Variants in SLC7A4 observed in about 807,000 individuals in gnomAD.
The protein encoded by SLC7A4 is solute carrier family 7 member 4, also known as cationic amino acid transporter 4.
A neutral mutation model predicts 37.8 loss-of-function variants in SLC7A4; 30 were observed. The ratio of observed to expected loss-of-function variants is 0.79; its 90% CI spans 0.59 to 1.08. The LOEUF is 1.08. Ranked by LOEUF, SLC7A4 falls within the 50% of genes least tolerant of loss-of-function variation. The pLI is 0.00. For missense variants in SLC7A4, 839 were observed against 843.2 expected (o/e 1.00, Z 0.06); for synonymous variants, 359 against 376.5 (o/e 0.95, Z 0.54).
Position 21,030,193 on chromosome 22 carries a change from G to T in SLC7A4, c.1141C>A (p.Leu381Met). ...GACTCCAGGTCCAGCAGCAGTGCCA[G>T]GAAGGCCGTGAGGAGCCCGAACGCC... ...TLAFGLLTAFLALLLDLESLV... is the reference protein window; with the variant it reads ...TLAFGLLTAFMALLLDLESLV... The change falls in exon 3 of 5, where the codon CTG becomes ATG. Residue 381 changes from leucine (L) to methionine (M), a missense_variant. Coordinates refer to ENST00000382932, the MANE Select transcript of SLC7A4 (RefSeq NM_004173.3). 6.2e-7 allele frequency: 1 copy of T among 1,613,888 alleles called. No individual in the cohort carries two copies. Among genetic ancestry groups the T allele is most frequent in the Non-Finnish European group, 8.5e-7 (1 of 1,180,016 alleles).
chr22:21,028,952 C>T lies in SLC7A4; in HGVS notation c.*103G>A. The T allele has an allele frequency of 7.7e-7, 1 of 1,302,292 alleles. No individual in the cohort carries two copies. The highest frequency in any genetic ancestry group is 1.0e-6 in the Non-Finnish European group (1 of 966,470). 80.7% of individuals were successfully genotyped at this position (1,302,292 alleles called of 1,614,324 possible). Reference sequence around the variant, plus strand: ...TGAGGACTCCCCAGCCTGTGCAGGCCTGCAAACCCAGGCTGCCCACAACAG... The same window carrying T: ...TGAGGACTCCCCAGCCTGTGCAGGCTTGCAAACCCAGGCTGCCCACAACAG... On this transcript the variant is annotated 3_prime_UTR_variant, in exon 5 of 5. Coordinates refer to ENST00000382932, the MANE Select transcript of SLC7A4 (RefSeq NM_004173.3).
chr22:21,030,886 G>C lies in SLC7A4; in HGVS notation c.927C>G (p.Phe309Leu). 6.2e-7 allele frequency: 1 copy of C among 1,612,830 alleles called. No individual in the cohort carries two copies. Among genetic ancestry groups the C allele is most frequent in the Non-Finnish European group, 8.5e-7 (1 of 1,179,344 alleles). The change falls in exon 2 of 5, where the codon TTC (phenylalanine) becomes TTG (leucine). Residue 309 changes from phenylalanine (F) to leucine (L), a missense_variant. Coordinates refer to ENST00000382932, the MANE Select transcript of SLC7A4 (RefSeq NM_004173.3). ...CAGCCCACCTGTAGCCCCGCTGGTAGAAGGCATCTGCAAGCGCTGAGTCGG... is the reference window on the plus strand; with the variant it reads ...CAGCCCACCTGTAGCCCCGCTGGTACAAGGCATCTGCAAGCGCTGAGTCGG... ...LDPDSALADA[F>L]YQRGYRWAGF...
In SLC7A4 at chr22:21,030,949, G is replaced by A. The variant is rs778662818; in HGVS notation, c.864C>T (p.Thr288=). The A allele has an allele frequency of 1.1e-5, 17 of 1,613,884 alleles. No homozygotes were observed. The highest frequency in any genetic ancestry group is 1.4e-5 in the Non-Finnish European group (16 of 1,179,970). ...IAAGAYILVS[T]VLTLMVPWHS... ...GCCAGGGCACCATGAGGGTTAGCACGGTGGAGACAAGGATGTAGGCACCAG... is the reference window on the plus strand; with the variant it reads ...GCCAGGGCACCATGAGGGTTAGCACAGTGGAGACAAGGATGTAGGCACCAG... Residue 288 remains threonine (T), a synonymous_variant, in exon 2 of 5, where the codon ACC becomes ACT. Transcript: ENST00000382932.
chr22:21,030,133 C>T lies in SLC7A4; in HGVS notation c.1201G>A (p.Ala401Thr). ...VQFLSLGTLL[A>T]YTFVATSIIV... ...ATACTGGTGGCCACGAATGTGTAGG[C>T]CAGGAGTGTGCCAAGGGACAGGAAC... The change falls in exon 3 of 5, where the codon GCC (alanine) becomes ACC (threonine). Residue 401 changes from alanine to threonine, a missense_variant. Ala to Thr is a moderately conservative substitution (Grantham distance 58). Transcript: ENST00000382932. 1 of 1,613,782 alleles carries T rather than the reference C, an allele frequency of 6.2e-7. No homozygotes were observed. Among genetic ancestry groups the T allele is most frequent in the Non-Finnish European group, 8.5e-7 (1 of 1,179,904 alleles).
chr22:21,032,092 C>T (rs1384688346), intron 1 of SLC7A4, among the ~76,000 whole-genome samples: 1 of 152,214 alleles, frequency 6.6e-6, no homozygotes, highest in African/African-American at 2.4e-5. Context: ...TGGTGAGGCC[C>T]CACCTGCTCA....
rs1203193046 is a variant in SLC7A4 at position 21,030,000 on chromosome 22, A to T, written c.1334T>A (p.Val445Glu). Reference sequence around the variant, plus strand: ...AGGGACGGAGGCGTGTACAGTGCCCACCAGCTGTAGGTGGTCTGAGAAGGA... The same window carrying T: ...AGGGACGGAGGCGTGTACAGTGCCCTCCAGCTGTAGGTGGTCTGAGAAGGA... ...QSSFSDHLQL[V>E]GTVHASVPEP... Residue 445 changes from valine to glutamate, a missense_variant, in exon 3 of 5, where the codon GTG becomes GAG. By Grantham distance (121) the Val-to-Glu change is moderately radical. Coordinates refer to ENST00000382932, the MANE Select transcript of SLC7A4 (RefSeq NM_004173.3). The T allele has an allele frequency of 6.2e-7, 1 of 1,613,728 alleles. No individual in the cohort carries two copies. The highest frequency in any genetic ancestry group is 1.1e-5 in the South Asian group (1 of 91,046).
At position 21,029,801 on chromosome 22, in the gene SLC7A4, G is replaced by A. The variant is rs759039428; in HGVS notation, c.1533C>T (p.Ile511=). 3 of 1,613,588 alleles carry A rather than the reference G, an allele frequency of 1.9e-6. No individual in the cohort carries two copies. In the East Asian group the frequency reaches 6.7e-5, roughly 36 times the overall value. ...TGACACTGGTGAGCAGGAGCAGCAGGATGTAACCCCAGTGTGGGAGGTGCA... is the reference window on the plus strand; with the variant it reads ...TGACACTGGTGAGCAGGAGCAGCAGAATGTAACCCCAGTGTGGGAGGTGCA... ...STLHLPHWGY[I]LLLLLTSVMF... is the part of the protein sequence containing the mutation. The change falls in exon 3 of 5, where the codon ATC becomes ATT. Residue 511 remains isoleucine, a synonymous_variant. Transcript: ENST00000382932.
In SLC7A4 at chr22:21,029,019, AG is replaced by A. The variant is rs1928777615; in HGVS notation, c.*35del. The A allele has an allele frequency of 3.2e-6, 5 of 1,557,176 alleles. No homozygotes were observed. Among genetic ancestry groups the A allele is most frequent in the Non-Finnish European group, 4.3e-6 (5 of 1,153,528 alleles). On this transcript the variant is annotated 3_prime_UTR_variant, in exon 5 of 5. Coordinates refer to ENST00000382932, the MANE Select transcript of SLC7A4 (RefSeq NM_004173.3). Reference sequence around the variant, plus strand: ...GTCTGGCCTCTCTGGCCTCCCAAGCAGGTGTGGGAGGGCGGGGCAAGTGTGG... The same window carrying A: ...GTCTGGCCTCTCTGGCCTCCCAAGCAGTGTGGGAGGGCGGGGCAAGTGTGG...
In SLC7A4 at chr22:21,031,429, G is replaced by T. The variant is rs369802595; in HGVS notation, c.384C>A (p.Ile128=). The part of the protein sequence containing the change: ...IGWNVLLEYI[I]GGAAVARAWS... ...AGGCACGGGCCACGGCGGCGCCACC[G>T]ATGATGTATTCGAGGAGAACATTCC... The change falls in exon 2 of 5, where the codon ATC becomes ATA. Residue 128 remains isoleucine (I), a synonymous_variant. Transcript: ENST00000382932. 60 of 1,601,300 alleles carry T rather than the reference G, an allele frequency of 3.7e-5. No homozygotes were observed. The Admixed American group carries it at 9.9e-4, about 26-fold the overall frequency.
Position 21,029,325 on chromosome 22 carries a change from C to T in SLC7A4, c.1732+11G>A, listed in dbSNP as rs910782317. On this transcript the variant is annotated intron_variant, in intron 4 of 4. Transcript: ENST00000382932. Reference sequence around the variant, plus strand: ...CCTCCTGACCCCGGTCCCAGCCTGGCCCCCACTCACCCATCAGCAGCCAGA... The same window carrying T: ...CCTCCTGACCCCGGTCCCAGCCTGGTCCCCACTCACCCATCAGCAGCCAGA... 1.2e-6 allele frequency: 2 copies of T among 1,611,844 alleles called. No individual in the cohort carries two copies. Among genetic ancestry groups the T allele is most frequent in the African/African-American group, 2.7e-5 (2 of 74,898 alleles).
rs1928835194 is a variant in SLC7A4, at chr22:21,030,152, C to T, written c.1182G>A (p.Leu394=). The change falls in exon 3 of 5, where the codon CTG becomes CTA. Residue 394 remains leucine (L), a synonymous_variant. Transcript: ENST00000382932. The stretch of plus-strand genomic sequence containing the variant: ...TGTAGGCCAGGAGTGTGCCAAGGGA[C>T]AGGAACTGAACCAGCGACTCCAGGT... ...LLDLESLVQF[L]SLGTLLAYTF... is the part of the protein sequence containing the mutation. 2 of 1,613,928 alleles carry T rather than the reference C, an allele frequency of 1.2e-6. No individual in the cohort carries two copies. The highest frequency in any genetic ancestry group is 1.7e-6 in the Non-Finnish European group (2 of 1,179,996).
rs9620760 is a variant in SLC7A4, at chr22:21,031,889, C to T, written c.-40-37G>A. The T allele has an allele frequency of 5.4e-4, 751 of 1,387,902 alleles. 7 individuals carry two copies. The African/African-American group carries it at 8.2e-3, about 15-fold the overall frequency. The allele number at this position is 1,387,902 out of a possible 1,614,324, so 86.0% of individuals were successfully genotyped here. ...AGAGGGGAATGACAGGATGCGTAGC[C>T]GGGGCCTGACCAGCCTTCCATCCCT... On this transcript the variant is annotated intron_variant, in intron 1 of 4. Transcript: ENST00000382932.
In SLC7A4 at chr22:21,029,681, G is replaced by A. The variant is rs372200772; in HGVS notation, c.1623+30C>T. 2.4e-4 allele frequency: 383 copies of A among 1,589,956 alleles called. 1 individual carries two copies. In the African/African-American group the frequency reaches 4.5e-3, roughly 18 times the overall value. ...AAGGGGAGGCAGCTGCCTGGGCCGA[G>A]TGTGAGTGGGTGTTGGCTAGGGGAG... On this transcript the variant is annotated intron_variant, in intron 3 of 4. Transcript: ENST00000382932.
chr22:21,029,139 G>A lies in SLC7A4; in HGVS notation c.1824C>T (p.Phe608=), dbSNP rs1276103836. 1 of 1,613,836 alleles carries A rather than the reference G, an allele frequency of 6.2e-7. No individual in the cohort carries two copies. Among genetic ancestry groups the A allele is most frequent in the Non-Finnish European group, 8.5e-7 (1 of 1,180,014 alleles). Residue 608 remains phenylalanine (F), a synonymous_variant, in exon 5 of 5, where the codon TTC becomes TTT. Transcript: ENST00000382932. ...CTGTCTCCTCCAGGCTGCCCCTGGG[G>A]AATACCACGTAGTGTGTGGAGTTCA... ...PGLNSTHYVV[F]PRGSLEETVQ...
At chr22:21,030,415 G>T in intron 2 of SLC7A4, 64 bp from the exon 3 acceptor site, 1 of 1,512,998 alleles carries the variant, frequency 6.6e-7, no homozygotes, top group Non-Finnish European at 8.9e-7. Flanking sequence ...CTCTGCTGGG[G>T]GTCGGTGCAT....
Position 21,029,166 on chromosome 22 carries a change from C to T in SLC7A4, c.1797G>A (p.Gly599=), listed in dbSNP as rs1928786922. The change falls in exon 5 of 5, where the codon GGG becomes GGA. Residue 599 remains glycine, a synonymous_variant. Transcript: ENST00000382932. ...HSKENQRELP[G]LNSTHYVVFP... Reference sequence around the variant, plus strand: ...ATACCACGTAGTGTGTGGAGTTCAGCCCTGGCAGCTCCCGCTGGTTCTCCT... The same window carrying T: ...ATACCACGTAGTGTGTGGAGTTCAGTCCTGGCAGCTCCCGCTGGTTCTCCT... The T allele has an allele frequency of 1.2e-6, 2 of 1,614,028 alleles. No individual in the cohort carries two copies. Among genetic ancestry groups the T allele is most frequent in the East Asian group, 2.2e-5 (1 of 44,874 alleles).
chr22:21,030,941 GTT>G lies in SLC7A4; in HGVS notation c.870_871del (p.Thr291ProfsTer163). The G allele has an allele frequency of 2.5e-6, 4 of 1,614,044 alleles. No individual in the cohort carries two copies. Among genetic ancestry groups the G allele is most frequent in the Non-Finnish European group, 3.4e-6 (4 of 1,179,990 alleles). The stretch of plus-strand genomic sequence containing the variant: ...CAGGCTGTGCCAGGGCACCATGAGG[GTT>G]AGCACGGTGGAGACAAGGATGTAGG... On this transcript the variant is annotated frameshift_variant, in exon 2 of 5. Coordinates refer to ENST00000382932, the MANE Select transcript of SLC7A4 (RefSeq NM_004173.3). LOFTEE classifies it high-confidence loss of function.
At position 21,029,929 on chromosome 22, in the gene SLC7A4, A is replaced by C; in HGVS notation, c.1405T>G (p.Leu469Val). The C allele has an allele frequency of 6.2e-7, 1 of 1,613,864 alleles. No individual in the cohort carries two copies. Among genetic ancestry groups the C allele is most frequent in the Non-Finnish European group, 8.5e-7 (1 of 1,179,980 alleles). ...ACTGCTCCAGGGCTGTACCCATCCAAGAAGCCCAGGTAGGGCCTCAGGGCT... is the reference window on the plus strand; with the variant it reads ...ACTGCTCCAGGGCTGTACCCATCCACGAAGCCCAGGTAGGGCCTCAGGGCT... ...KPALRPYLGFLDGYSPGAVVT... is the reference protein window; with the variant it reads ...KPALRPYLGFVDGYSPGAVVT... The change falls in exon 3 of 5, where the codon TTG becomes GTG. Residue 469 changes from leucine to valine, a missense_variant. Coordinates refer to ENST00000382932, the MANE Select transcript of SLC7A4 (RefSeq NM_004173.3).
Position 21,029,098 on chromosome 22 carries a change from G to A in SLC7A4, c.1865C>T (p.Pro622Leu), listed in dbSNP as rs1469700470. The change falls in exon 5 of 5, where the codon CCC becomes CTC. Residue 622 changes from proline (P) to leucine (L), a missense_variant. Transcript: ENST00000382932. ...GTCCTGTGCTGGTGCCTGGCTGGGG[G>A]GCTGCATAGCCTGCACTGTCTCCTC... ...SLEETVQAMQ[P>L]PSQAPAQDPG... 2 of 1,612,490 alleles carry A rather than the reference G, an allele frequency of 1.2e-6. No homozygotes were observed. The highest frequency in any genetic ancestry group is 2.2e-5 in the East Asian group (1 of 44,892).
Sources: gnomAD v4.1 joint callset for allele counts (sites outside exome capture counted in the v4.1 genomes callset) on GRCh38, gnomAD v4.1.1 for gene constraint, MANE v1.5 for transcripts, NCBI Gene and HGNC (gene_info 2026-07-23, HGNC 2026-07-21) for gene names.